The following NKAIN2 variants were observed in gnomAD, a reference collection of about 807,000 sequenced individuals.
NKAIN2 encodes the protein sodium/potassium transporting ATPase interacting 2, also known as sodium/potassium-transporting ATPase subunit beta-1-interacting protein 2.
In NKAIN2, 14 loss-of-function variants were observed where a neutral mutation model predicts 32.6. That is an observed-to-expected ratio of 0.43 (90% CI 0.28 to 0.67). The LOEUF (loss-of-function observed/expected upper bound fraction) is 0.67. Among genes scored for constraint, NKAIN2 ranks in the 30% least tolerant of loss-of-function variants. NKAIN2 has a pLI of 0.17. For synonymous variants in NKAIN2, 80 were observed against 87.2 expected (o/e 0.92, Z 0.46); for missense variants, 198 against 258.3 (o/e 0.77, Z 1.60).
intron 1 of NKAIN2, among the ~76,000 whole-genome samples, chr6:124,173,499 G>T (rs1788998767): frequency 6.6e-6 from 1 of 151,994 alleles, no homozygotes. Flanking sequence ...GAAGCAACAA[G>T]AAAGTGCATA....
chr6:124,501,494 C>T (rs1379682151), intron 3 of NKAIN2, among the ~76,000 whole-genome samples: 2 of 152,138 alleles, frequency 1.3e-5, no homozygotes, highest in African/African-American at 2.4e-5. Context: ...GATTTTGTAA[C>T]CTACTGTAGC....
chr6:124,116,269 C>G (rs183877487), intron 1 of NKAIN2, among the ~76,000 whole-genome samples: 1 of 152,194 alleles, frequency 6.6e-6, no homozygotes, highest in East Asian at 1.9e-4. Context: ...GCAGTTTGCT[C>G]TAAGTTGCTC....
At chr6:124,106,310 A>G (rs1225063474) in intron 1 of NKAIN2, among the ~76,000 whole-genome samples, 1 of 152,126 alleles carries the variant, frequency 6.6e-6, no homozygotes, top group Non-Finnish European at 1.5e-5. Flanking sequence ...CTGGAATGAG[A>G]AGAAGGGTAG....
intron 3 of NKAIN2, among the ~76,000 whole-genome samples, chr6:124,625,491 G>A (rs982504368): frequency 1.3e-5 from 2 of 151,940 alleles, no homozygotes; most frequent in African/African-American, 4.8e-5. Context: ...TTTTTATCTG[G>A]GGAAAGTCAG....
At chr6:123,986,691 A>T (rs1468341182) in intron 1 of NKAIN2, among the ~76,000 whole-genome samples, 1 of 152,158 alleles carries the variant, frequency 6.6e-6, no homozygotes, top group Non-Finnish European at 1.5e-5. Context: ...TCATATTCCC[A>T]GGTAATTCCC....
intron 2 of NKAIN2, among the ~76,000 whole-genome samples, chr6:124,346,097 T>A (rs1452496810): frequency 2.0e-5 from 3 of 152,158 alleles, no homozygotes; most frequent in Non-Finnish European, 4.4e-5. Context: ...ATGTACCCAG[T>A]AGTCATTCAG....
At chr6:124,388,474 A>G (rs1046910946) in intron 3 of NKAIN2, among the ~76,000 whole-genome samples, 1 of 152,008 alleles carries the variant, frequency 6.6e-6, no homozygotes, top group Non-Finnish European at 1.5e-5. Context: ...CCCACTTTGA[A>G]AAACACTGAT....
chr6:124,073,622 G>A (rs1387244456), intron 1 of NKAIN2, among the ~76,000 whole-genome samples: 1 of 152,060 alleles, frequency 6.6e-6, no homozygotes, highest in Non-Finnish European at 1.5e-5. Context: ...ATATTTTAAA[G>A]TTAAAGTCAT....
intron 1 of NKAIN2, among the ~76,000 whole-genome samples, chr6:123,851,057 G>A (rs568124269): frequency 2.6e-4 from 39 of 151,714 alleles, no homozygotes; most frequent in South Asian, 4.2e-4. Context: ...ATTCCATTGC[G>A]TATAGATATC....
intron 1 of NKAIN2, among the ~76,000 whole-genome samples, chr6:123,916,360 C>G (rs1219591515): frequency 6.6e-6 from 1 of 152,128 alleles, no homozygotes; most frequent in African/African-American, 2.4e-5. Context: ...TCAAACGATT[C>G]TCCTGCCTCA....
At chr6:124,221,405 G>A (rs1337488818) in intron 1 of NKAIN2, among the ~76,000 whole-genome samples, 1 of 125,768 alleles carries the variant, frequency 8.0e-6, no homozygotes, top group African/African-American at 3.0e-5. Flanking sequence ...GGGGACTGTT[G>A]TGGGGTGAGG....
intron 2 of NKAIN2, among the ~76,000 whole-genome samples, chr6:124,317,450 A>G (rs1797004527): frequency 6.6e-6 from 1 of 152,086 alleles, no homozygotes; most frequent in African/African-American, 2.4e-5. Flanking sequence ...GTGTTTCTAA[A>G]TAACTTCCTT....
chr6:123,885,289 TTTG>T (rs2114347920), intron 1 of NKAIN2, among the ~76,000 whole-genome samples: 1 of 152,256 alleles, frequency 6.6e-6, no homozygotes, highest in Admixed American at 6.5e-5. Context: ...ACGGGATGGC[TTTG>T]TATAAAATTT....
chr6:124,421,534 T>C (rs1774749677), intron 3 of NKAIN2, among the ~76,000 whole-genome samples: 1 of 99,234 alleles, frequency 1.0e-5, no homozygotes, highest in Admixed American at 9.9e-5. Context: ...AGGACTTAAC[T>C]ATAACATTTT....
At position 124,360,004 on chromosome 6, in the gene NKAIN2, G is replaced by A. The variant is rs150994656; in HGVS notation, c.273+4657G>A. On this transcript the variant is annotated intron_variant, in intron 3 of 6. Transcript: ENST00000368417. ...TGAAGGGTTGTTGAATTTTGTCAAA[G>A]GCCTTTTCTGCATCTATTGAGATAA... Among the ~76,000 whole-genome samples the A allele has an allele frequency of 1.4e-3, 218 of 152,272 alleles. 1 individual carries two copies. Among genetic ancestry groups the A allele is most frequent in the African/African-American group, 4.4e-3 (183 of 41,548 alleles).
At chr6:124,100,410 T>G (rs543083403) in intron 1 of NKAIN2, among the ~76,000 whole-genome samples, 62 of 152,370 alleles carry the variant, frequency 4.1e-4, no homozygotes, top group African/African-American at 1.4e-3. Context: ...GTGTAATTCC[T>G]ATCATGGTAA....
chr6:124,711,357 C>T (rs1240005339), intron 4 of NKAIN2, among the ~76,000 whole-genome samples: 3 of 83,940 alleles, frequency 3.6e-5, no homozygotes, highest in Admixed American at 1.4e-4. Flanking sequence ...TGAATCTGAA[C>T]GTTGGCCTGC....
At chr6:124,427,931 CTTAAAA>C (rs1554205884) in intron 3 of NKAIN2, among the ~76,000 whole-genome samples, 2 of 152,040 alleles carry the variant, frequency 1.3e-5, no homozygotes, top group Admixed American at 6.6e-5. Flanking sequence ...AAATAAAATA[CTTAAAA>C]TTAAGTATTA....
At chr6:124,728,983 A>C (rs1334301891) in intron 4 of NKAIN2, among the ~76,000 whole-genome samples, 1 of 149,620 alleles carries the variant, frequency 6.7e-6, no homozygotes, top group Non-Finnish European at 1.5e-5. Context: ...TCCTCAACAC[A>C]TACACTCTCC....
Sources: allele counts gnomAD v4.1 joint callset (sites outside exome capture counted in the v4.1 genomes callset), GRCh38; gene constraint gnomAD v4.1.1; transcripts MANE v1.5; gene names NCBI Gene and HGNC (gene_info 2026-07-23, HGNC 2026-07-21).